The following ANKRD55 variants were observed in gnomAD, a reference collection of about 807,000 sequenced individuals.
The protein encoded by ANKRD55 is ankyrin repeat domain-containing protein 55.
In ANKRD55, 41 loss-of-function variants were observed where a neutral mutation model predicts 60.6. The observed-to-expected ratio is 0.68, with a 90% CI of 0.53 to 0.88. The LOEUF is 0.88. Among genes scored for constraint, ANKRD55 ranks in the 40% least tolerant of loss-of-function variants. The pLI is 0.00. For synonymous variants in ANKRD55, 264 were observed against 290.3 expected (o/e 0.91, Z 0.92); for missense variants, 732 against 767.6 (o/e 0.95, Z 0.55).
At chr5:56,164,981 G>C (rs1194071229) in intron 5 of ANKRD55, among the ~76,000 whole-genome samples, 1 of 152,168 alleles carries the variant, frequency 6.6e-6, no homozygotes, top group Non-Finnish European at 1.5e-5. Context: ...GTTTCCATCT[G>C]AGCACTAAAA....
chr5:56,218,641 C>G (rs6879574), intron 2 of ANKRD55, among the ~76,000 whole-genome samples: 15,125 of 152,188 alleles, frequency 0.099, 1,334 homozygotes, highest in African/African-American at 0.24. Context: ...GAAACCAAAA[C>G]TTTGTGTAAC....
chr5:56,215,525 GC>G (rs1759783611), intron 2 of ANKRD55, among the ~76,000 whole-genome samples: 1 of 152,232 alleles, frequency 6.6e-6, no homozygotes, highest in Admixed American at 6.5e-5. Context: ...AGGGAGTCGG[GC>G]ACTCTGCTGA....
At chr5:56,148,719 G>T (rs1439088182) in intron 6 of ANKRD55, among the ~76,000 whole-genome samples, 1 of 151,864 alleles carries the variant, frequency 6.6e-6, no homozygotes, top group Non-Finnish European at 1.5e-5. Flanking sequence ...TGCTTAGCAG[G>T]TTTCATGTTT....
intron 2 of ANKRD55, among the ~76,000 whole-genome samples, chr5:56,196,900 A>G (rs1759239414): frequency 6.6e-6 from 1 of 152,168 alleles, no homozygotes; most frequent in Non-Finnish European, 1.5e-5. Flanking sequence ...CAGCATCAAC[A>G]TCACCTGGGA....
intron 2 of ANKRD55, among the ~76,000 whole-genome samples, chr5:56,211,641 G>A (rs930224956): frequency 6.6e-6 from 1 of 152,164 alleles, no homozygotes; most frequent in Non-Finnish European, 1.5e-5. Context: ...CAGTGAACTT[G>A]TGACCTCTTT....
intron 7 of ANKRD55, among the ~76,000 whole-genome samples, chr5:56,139,059 G>A (rs1757683824): frequency 6.7e-6 from 1 of 149,318 alleles, no homozygotes; most frequent in Non-Finnish European, 1.5e-5. Flanking sequence ...GTTGGTAACG[G>A]GGGAGGCAAT....
At chr5:56,132,653 T>G (rs1561262638) in intron 7 of ANKRD55, among the ~76,000 whole-genome samples, 1 of 150,848 alleles carries the variant, frequency 6.6e-6, no homozygotes, top group Non-Finnish European at 1.5e-5. Flanking sequence ...ATGATCGATG[T>G]TACTCTAACT....
At chr5:56,136,843 A>C (rs1242538882) in intron 7 of ANKRD55, 5 of 349,880 alleles carry the variant, frequency 1.4e-5, no homozygotes, top group Admixed American at 3.9e-5. Context: ...ATCACTTGAG[A>C]CCAGGAGGTC....
At chr5:56,164,779 TGCTGAGAAGCAGAGGGTTCAAAGTA>T (rs1469687377) in intron 5 of ANKRD55, among the ~76,000 whole-genome samples, 5 of 152,226 alleles carry the variant, frequency 3.3e-5, no homozygotes, top group Admixed American at 6.5e-5. Flanking sequence ...AACTTGGACC[TGCTGAGAAGCAGAGGGTTCAAAGTA>T]GGAAGGGGAA....
At chr5:56,215,252 C>T (rs1416264799) in intron 2 of ANKRD55, among the ~76,000 whole-genome samples, 3 of 152,174 alleles carry the variant, frequency 2.0e-5, no homozygotes, top group Admixed American at 1.3e-4. Flanking sequence ...CAAGCCCTGG[C>T]CTTGGCAATA....
chr5:56,154,637 T>C (rs906341743), intron 6 of ANKRD55, among the ~76,000 whole-genome samples: 1 of 143,982 alleles, frequency 6.9e-6, no homozygotes, highest in Non-Finnish European at 1.5e-5. Flanking sequence ...TAGGCTGGAG[T>C]GCAGTCACGC....
chr5:56,232,754 AC>A, intron 2 of ANKRD55, 101 bp downstream of exon 2: 1 of 1,200,576 alleles, frequency 8.3e-7, no homozygotes, highest in South Asian at 1.3e-5. Flanking sequence ...GAACACACAC[AC>A]ACACACACAC....
At chr5:56,116,883 G>GA in intron 8 of ANKRD55, 101 bp from the exon 9 acceptor site, 1 of 1,266,944 alleles carries the variant, frequency 7.9e-7, no homozygotes, top group Non-Finnish European at 1.1e-6. Context: ...TTGAGGTAGG[G>GA]AAAATCTTGT....
At chr5:56,207,985 G>C (rs1422877270) in intron 2 of ANKRD55, among the ~76,000 whole-genome samples, 1 of 152,112 alleles carries the variant, frequency 6.6e-6, no homozygotes, top group African/African-American at 2.4e-5. Flanking sequence ...ACGTTGTACA[G>C]TTGAACAAAA....
At chr5:56,135,120 A>G (rs79472003) in intron 7 of ANKRD55, among the ~76,000 whole-genome samples, 2,146 of 152,292 alleles carry the variant, frequency 0.014, 43 homozygotes, top group Admixed American at 0.041. Context: ...AAGAGCATCT[A>G]TAGAAAACCT....
chr5:56,122,090 T>C (rs1757081050), intron 8 of ANKRD55, among the ~76,000 whole-genome samples: 1 of 152,222 alleles, frequency 6.6e-6, no homozygotes, highest in Non-Finnish European at 1.5e-5. Context: ...AAAAGTCAAC[T>C]TGCTGGGAGA....
chr5:56,211,270 A>T (rs760394922), intron 2 of ANKRD55, among the ~76,000 whole-genome samples: 22 of 152,212 alleles, frequency 1.4e-4, no homozygotes, highest in Non-Finnish European at 2.5e-4. Context: ...TGCATTGCTC[A>T]TGTGATCTTT....
chr5:56,103,391 GTAC>G (rs1279033953), intron 10 of ANKRD55, among the ~76,000 whole-genome samples: 5 of 152,158 alleles, frequency 3.3e-5, no homozygotes, highest in Admixed American at 6.5e-5. Context: ...ATTCATCAAT[GTAC>G]TACTGACTTT....
intron 2 of ANKRD55, among the ~76,000 whole-genome samples, chr5:56,188,821 A>G (rs530227336): frequency 6.6e-6 from 1 of 152,332 alleles, no homozygotes; most frequent in East Asian, 1.9e-4. Flanking sequence ...AATCACTGAA[A>G]AAGTTCTGAC....
Sources: allele counts gnomAD v4.1 joint callset (sites outside exome capture counted in the v4.1 genomes callset), GRCh38; gene constraint gnomAD v4.1.1; transcripts MANE v1.5; gene names NCBI Gene and HGNC (gene_info 2026-07-23, HGNC 2026-07-21).